The following RWDD2B variants were observed in gnomAD, a reference collection of about 807,000 sequenced individuals.
RWDD2B encodes the protein RWD domain containing 2B, also known as RWD domain-containing protein 2B.
RWDD2B carries 36 observed loss-of-function variants against 33.6 expected under a neutral mutation model. The ratio of observed to expected loss-of-function variants is 1.07; its 90% CI spans 0.82 to 1.42. The LOEUF (loss-of-function observed/expected upper bound fraction) is 1.42. Ranked by LOEUF, RWDD2B falls within the 40% of genes most tolerant of loss-of-function variation. RWDD2B has a pLI of 0.00. For missense variants in RWDD2B, 364 were observed against 377.5 expected (o/e 0.96, Z 0.30); for synonymous variants, 126 against 133.1 (o/e 0.95, Z 0.37).
chr21:29,005,871 C>T lies in RWDD2B; in HGVS notation c.*546G>A, dbSNP rs2084825887. The stretch of plus-strand genomic sequence containing the variant: ...CATCTTCGTGGTTCTCTTGGCCCTT[C>T]GTCGTGGTTCAAATAACTCCTCCAG... On this transcript the variant is annotated 3_prime_UTR_variant, in exon 5 of 5. Coordinates refer to ENST00000493196, the MANE Select transcript of RWDD2B (RefSeq NM_016940.3). The T allele has an allele frequency of 5.4e-5, 1 of 18,392 alleles. No homozygotes were observed. Among genetic ancestry groups the T allele is most frequent in the South Asian group, 3.5e-3 (1 of 286 alleles). The allele number at this position is 18,392 out of a possible 1,614,324, so 1.1% of individuals were successfully genotyped here.
At chr21:29,012,186 C>CG (rs1555851468) in intron 1 of RWDD2B, among the ~76,000 whole-genome samples, 3 of 145,322 alleles carry the variant, frequency 2.1e-5, no homozygotes, top group Middle Eastern at 3.8e-3. Context: ...AGCCCCCCCC[C>CG]GGGAGGTGAG....
intron 1 of RWDD2B, among the ~76,000 whole-genome samples, chr21:29,014,843 T>C (rs1010589140): frequency 1.3e-5 from 2 of 151,922 alleles, no homozygotes; most frequent in African/African-American, 4.8e-5. Context: ...TAAAAATAAA[T>C]AAAGTAAAAT....
At chr21:29,010,338 G>A (rs2084850117) in intron 1 of RWDD2B, among the ~76,000 whole-genome samples, 1 of 151,532 alleles carries the variant, frequency 6.6e-6, no homozygotes, top group Admixed American at 6.6e-5. Flanking sequence ...CTAGCACGGT[G>A]GCTCACACCT....
Position 29,019,298 on chromosome 21 carries a change from C to A in RWDD2B, c.-21G>T. 6.3e-7 allele frequency: 1 copy of A among 1,577,442 alleles called. No individual in the cohort carries two copies. Among genetic ancestry groups the A allele is most frequent in the Non-Finnish European group, 8.6e-7 (1 of 1,157,988 alleles). ...TTCATCAGAAGGGAGCCTCAAAATT[C>A]TAGCATACTGCGACCCAAAACTTAC... On this transcript the variant is annotated 5_prime_UTR_variant, in exon 1 of 5. It introduces an in-frame stop codon into an upstream open reading frame of the 5' UTR. Coordinates refer to ENST00000493196, the MANE Select transcript of RWDD2B (RefSeq NM_016940.3).
At chr21:29,016,356 C>G (rs1445459012) in intron 1 of RWDD2B, among the ~76,000 whole-genome samples, 1 of 152,102 alleles carries the variant, frequency 6.6e-6, no homozygotes, top group Non-Finnish European at 1.5e-5. Flanking sequence ...TCTCCACCTC[C>G]CAGGTTCAAG....
At chr21:29,010,840 G>A (rs950529915) in intron 1 of RWDD2B, among the ~76,000 whole-genome samples, 3 of 151,948 alleles carry the variant, frequency 2.0e-5, no homozygotes, top group Non-Finnish European at 2.9e-5. Context: ...ACTGGTTTTC[G>A]TATTTTTTTG....
At chr21:29,012,497 A>G (rs1306128863) in intron 1 of RWDD2B, among the ~76,000 whole-genome samples, 2 of 151,942 alleles carry the variant, frequency 1.3e-5, no homozygotes, top group Non-Finnish European at 2.9e-5. Flanking sequence ...TCTCTGAAAC[A>G]TGTGCTGTAT....
chr21:29,011,912 T>C (rs1389115945), intron 1 of RWDD2B, among the ~76,000 whole-genome samples: 14 of 93,738 alleles, frequency 1.5e-4, no homozygotes, highest in Admixed American at 2.3e-4. Context: ...GCCCCCCGCC[T>C]GGCCAGCCGC....
intron 4 of RWDD2B, among the ~76,000 whole-genome samples, chr21:29,007,187 G>A (rs1356146815): frequency 6.6e-6 from 1 of 152,182 alleles, no homozygotes; most frequent in Admixed American, 6.5e-5. Context: ...AATGAGGGAA[G>A]GACCAGATCC....
intron 1 of RWDD2B, among the ~76,000 whole-genome samples, chr21:29,013,621 G>A (rs374125828): frequency 3.0e-4 from 45 of 151,096 alleles, no homozygotes; most frequent in Non-Finnish European, 5.2e-4. Flanking sequence ...CTCGGGAGGC[G>A]GAGCTTGCAG....
At chr21:29,010,805 T>C (rs955611591) in intron 1 of RWDD2B, among the ~76,000 whole-genome samples, 1 of 150,390 alleles carries the variant, frequency 6.6e-6, no homozygotes, top group Non-Finnish European at 1.5e-5. Context: ...GTGCCTGCGA[T>C]TGCAGGCGCG....
intron 1 of RWDD2B, among the ~76,000 whole-genome samples, chr21:29,009,190 C>G (rs2084844655): frequency 1.3e-5 from 2 of 152,044 alleles, no homozygotes; most frequent in African/African-American, 4.8e-5. Context: ...CACGCCCAAG[C>G]AATCCTCCCA....
intron 1 of RWDD2B, among the ~76,000 whole-genome samples, chr21:29,009,147 G>A (rs1422444409): frequency 1.3e-5 from 2 of 152,132 alleles, no homozygotes; most frequent in Non-Finnish European, 2.9e-5. Flanking sequence ...GAGTGCAGTG[G>A]CATGATCCCC....
chr21:29,018,509 T>C (rs1307937349), intron 1 of RWDD2B, among the ~76,000 whole-genome samples: 1 of 152,142 alleles, frequency 6.6e-6, no homozygotes. Context: ...TGCTATTGAA[T>C]TGGAGGTATC....
At position 29,008,239 on chromosome 21, in the gene RWDD2B, C is replaced by A; in HGVS notation, c.362+1G>T. ...AGTTGGCCAGAGCTTCTGTAACGTA[C>A]CTGACAGTAATTTCAGGCAGAACTG... On this transcript the variant is annotated splice_donor_variant, in intron 3 of 4. Coordinates refer to ENST00000493196, the MANE Select transcript of RWDD2B (RefSeq NM_016940.3). LOFTEE classifies it high-confidence loss of function. 6.2e-7 allele frequency: 1 copy of A among 1,614,102 alleles called. No individual in the cohort carries two copies. Among genetic ancestry groups the A allele is most frequent in the Non-Finnish European group, 8.5e-7 (1 of 1,179,954 alleles).
exon 1 of RWDD2B, chr21:29,019,348 CGGAA>C: frequency 4.8e-6 from 5 of 1,034,716 alleles, no homozygotes; most frequent in Non-Finnish European, 5.3e-6. Flanking sequence ...GGCGACCTAC[CGGAA>C]AAAAAAAAAA....
At chr21:29,013,887 A>G (rs570876681) in intron 1 of RWDD2B, among the ~76,000 whole-genome samples, 4 of 152,170 alleles carry the variant, frequency 2.6e-5, no homozygotes, top group Non-Finnish European at 5.9e-5. Context: ...TATCTTCTCT[A>G]TTGTCTCATG....
chr21:29,013,581 C>T (rs1029283000), intron 1 of RWDD2B, among the ~76,000 whole-genome samples: 22 of 149,048 alleles, frequency 1.5e-4, no homozygotes, highest in African/African-American at 5.2e-4. Context: ...CCCAGCTACT[C>T]GGGAGGCTGA....
intron 1 of RWDD2B, 53 bp downstream of exon 1, chr21:29,019,158 C>G (rs2084903497): frequency 4.2e-6 from 6 of 1,439,674 alleles, no homozygotes; most frequent in Non-Finnish European, 5.7e-6. Context: ...GGCGCTGCAG[C>G]GTGGGAAACC....
Sources: gnomAD v4.1 joint callset for allele counts (sites outside exome capture counted in the v4.1 genomes callset) on GRCh38, gnomAD v4.1.1 for gene constraint, MANE v1.5 for transcripts, NCBI Gene and HGNC (gene_info 2026-07-23, HGNC 2026-07-21) for gene names.